The following PLEKHM1 variants were observed in gnomAD, a reference collection of about 807,000 sequenced individuals.
PLEKHM1 encodes the protein pleckstrin homology domain-containing family M member 1.
PLEKHM1 carries 28 observed loss-of-function variants against 94.3 expected under a neutral mutation model. That is an observed-to-expected ratio of 0.30 (90% CI 0.22 to 0.41). The LOEUF (loss-of-function observed/expected upper bound fraction) is 0.41, where lower values mean the gene tolerates loss of function less well. Among genes scored for constraint, PLEKHM1 ranks in the 10% least tolerant of loss-of-function variants. PLEKHM1 has a pLI of 1.00. For synonymous variants in PLEKHM1, 424 were observed against 581.2 expected (o/e 0.73, Z 3.89); for missense variants, 907 against 1,358.6 (o/e 0.67, Z 5.22).
chr17:45,457,163 T>C (rs1229207212), intron 6 of PLEKHM1, among the ~76,000 whole-genome samples: 1 of 126,258 alleles, frequency 7.9e-6, no homozygotes, highest in African/African-American at 3.1e-5. Flanking sequence ...AGAGCAAGAC[T>C]CTGCCTCAGA....
chr17:45,473,800 C>T (rs912182382), intron 4 of PLEKHM1, among the ~76,000 whole-genome samples: 7 of 152,030 alleles, frequency 4.6e-5, no homozygotes, highest in African/African-American at 1.7e-4. Flanking sequence ...CTTTGTGATC[C>T]GCCCGCCTCG....
intron 5 of PLEKHM1, chr17:45,460,008 T>G (rs2051104727): frequency 6.6e-6 from 1 of 151,598 alleles, no homozygotes; most frequent in Non-Finnish European, 1.5e-5. Context: ...TCATCCAGTA[T>G]GACTGATGTC....
chr17:45,472,576 C>A (rs1316621837), intron 4 of PLEKHM1, among the ~76,000 whole-genome samples: 1 of 152,346 alleles, frequency 6.6e-6, no homozygotes, highest in Non-Finnish European at 1.5e-5. Context: ...GGTCACACTG[C>A]AGGCCTGTCA....
intron 5 of PLEKHM1, chr17:45,460,447 A>G (rs1259358741): frequency 1.3e-5 from 2 of 152,018 alleles, no homozygotes; most frequent in Non-Finnish European, 2.9e-5. Flanking sequence ...TCTAGTAGAG[A>G]CAAAACCTTG....
intron 8 of PLEKHM1, among the ~76,000 whole-genome samples, chr17:45,449,793 C>T (rs1005588736): frequency 6.6e-6 from 1 of 150,728 alleles, no homozygotes; most frequent in African/African-American, 2.4e-5. Context: ...TACCTACCTA[C>T]CCATCCACCT....
At chr17:45,441,479 CA>C (rs2050444859) in intron 9 of PLEKHM1, among the ~76,000 whole-genome samples, 1 of 152,212 alleles carries the variant, frequency 6.6e-6, no homozygotes, top group Non-Finnish European at 1.5e-5. Flanking sequence ...CATTTGTCAC[CA>C]AGAAAACATG....
chr17:45,486,035 T>C (rs1240080722), intron 1 of PLEKHM1, among the ~76,000 whole-genome samples: 1 of 147,896 alleles, frequency 6.8e-6, no homozygotes, highest in Non-Finnish European at 1.5e-5. Context: ...GCTAACACGG[T>C]GAAACCCCGT....
At chr17:45,455,808 G>T (rs1303372671) in intron 6 of PLEKHM1, among the ~76,000 whole-genome samples, 4 of 152,132 alleles carry the variant, frequency 2.6e-5, no homozygotes, top group African/African-American at 9.7e-5. Context: ...CCTCAGCGTA[G>T]GAGCCATGAT....
chr17:45,466,987 G>A (rs1290042926), intron 5 of PLEKHM1, among the ~76,000 whole-genome samples: 2 of 152,178 alleles, frequency 1.3e-5, no homozygotes, highest in African/African-American at 4.8e-5. Context: ...CAACCCAAAT[G>A]TCCATTAACA....
At chr17:45,449,779 CACCT>C (rs2050716589) in intron 8 of PLEKHM1, among the ~76,000 whole-genome samples, 1 of 150,236 alleles carries the variant, frequency 6.7e-6, no homozygotes, top group Non-Finnish European at 1.5e-5. Context: ...CCTGCTCATT[CACCT>C]ACCTACCTAC....
intron 9 of PLEKHM1, among the ~76,000 whole-genome samples, chr17:45,443,592 G>A (rs910752157): frequency 5.9e-5 from 9 of 152,184 alleles, no homozygotes; most frequent in African/African-American, 2.2e-4. Flanking sequence ...GGTCTGTAAA[G>A]CCGATGAACA....
Position 45,453,001 on chromosome 17 carries a change from T to C in PLEKHM1, c.2497+354A>G, listed in dbSNP as rs1324908433. On this transcript the variant is annotated intron_variant, in intron 7 of 11. Transcript: ENST00000430334. This position sits in a 1 kb window ranked among gnomAD's most constrained non-coding sequence, Gnocchi z 4.1. ...ACACTTATAAAAGCAGCAGAAATAT[T>C]TGGAAGGAAACCATGCCCCTGCTCT... 1.9e-5 allele frequency: 9 copies of C among 473,188 alleles called. No homozygotes were observed. The highest frequency in any genetic ancestry group is 3.5e-5 in the Non-Finnish European group (9 of 258,382). The allele number at this position is 473,188 out of a possible 1,614,324, so 29.3% of individuals were successfully genotyped here.
At chr17:45,466,410 T>TA (rs1244063868) in intron 5 of PLEKHM1, among the ~76,000 whole-genome samples, 21 of 152,252 alleles carry the variant, frequency 1.4e-4, no homozygotes, top group African/African-American at 4.8e-4. Context: ...CTGCACATCA[T>TA]TAAAAGAACC....
Position 45,437,073 on chromosome 17 carries a change from G to A in PLEKHM1, c.*785C>T, listed in dbSNP as rs1399995063. On this transcript the variant is annotated 3_prime_UTR_variant, in exon 12 of 12. Coordinates refer to ENST00000430334, the MANE Select transcript of PLEKHM1 (RefSeq NM_014798.3). The surrounding 1 kb of genome is among the most constrained non-coding windows in gnomAD (Gnocchi z 4.0). The stretch of plus-strand genomic sequence containing the variant: ...GAGGGCTCAAAGTGCTGACAGTGCT[G>A]GTTTCCAGTCATTTCTCCTTCTCCT... The A allele has an allele frequency of 1.1e-5, 5 of 454,412 alleles. No homozygotes were observed. The highest frequency in any genetic ancestry group is 1.0e-4 in the African/African-American group (5 of 50,018). 28.1% of individuals were successfully genotyped at this position (454,412 alleles called of 1,614,324 possible).
intron 9 of PLEKHM1, among the ~76,000 whole-genome samples, chr17:45,442,761 A>G (rs1371070945): frequency 6.6e-6 from 1 of 151,558 alleles, no homozygotes; most frequent in African/African-American, 2.4e-5. Flanking sequence ...TATGCTCAAA[A>G]CCCTTCAATG....
In PLEKHM1 at chr17:45,436,530, C is replaced by A. The variant is rs62064654; in HGVS notation, c.*1328G>T. 2 of 452,774 alleles carry A rather than the reference C, an allele frequency of 4.4e-6. No individual in the cohort carries two copies. The highest frequency in any genetic ancestry group is 1.4e-4 in the East Asian group (2 of 14,340). The allele number at this position is 452,774 out of a possible 1,614,324, so 28.0% of individuals were successfully genotyped here. A position where few individuals can be genotyped will look rare whatever the true frequency, so the allele number is the denominator to read the frequency against. ...ACCTGAGGCCTGACTCCAAGCTGAGCGCAGGTAAGACAGCTAGGACTGAGG... is the reference window on the plus strand; with the variant it reads ...ACCTGAGGCCTGACTCCAAGCTGAGAGCAGGTAAGACAGCTAGGACTGAGG... On this transcript the variant is annotated 3_prime_UTR_variant, in exon 12 of 12. Coordinates refer to ENST00000430334, the MANE Select transcript of PLEKHM1 (RefSeq NM_014798.3).
chr17:45,438,547 A>AT (rs1413324240), intron 11 of PLEKHM1, among the ~76,000 whole-genome samples: 2 of 150,610 alleles, frequency 1.3e-5, no homozygotes, highest in African/African-American at 2.4e-5. Context: ...GAAAAAAAAA[A>AT]TTTTTTTTAC....
chr17:45,490,643 C>G lies in PLEKHM1; in HGVS notation c.-42+9G>C. 1 of 449,950 alleles carries G rather than the reference C, an allele frequency of 2.2e-6. No individual in the cohort carries two copies. The highest frequency in any genetic ancestry group is 4.5e-6 in the Non-Finnish European group (1 of 223,918). The allele number at this position is 449,950 out of a possible 1,614,324, so 27.9% of individuals were successfully genotyped here. ...GCCGCCCTCCTCGCATCTTGACCCC[C>G]TAACTCACCAAGCGGAGCGAGGAGC... On this transcript the variant is annotated intron_variant, in intron 1 of 11. Transcript: ENST00000430334.
chr17:45,461,980 G>A (rs1020185715), intron 5 of PLEKHM1, among the ~76,000 whole-genome samples: 2 of 152,174 alleles, frequency 1.3e-5, no homozygotes, highest in African/African-American at 4.8e-5. Flanking sequence ...CAGAGGAAAT[G>A]AGTCACACAA....
Sources: allele counts gnomAD v4.1 joint callset (sites outside exome capture counted in the v4.1 genomes callset), GRCh38; gene constraint gnomAD v4.1.1; non-coding constraint Gnocchi (gnomAD v3.1); transcripts MANE v1.5; gene names NCBI Gene and HGNC (gene_info 2026-07-23, HGNC 2026-07-21).